The following CCDC192 variants were observed in gnomAD, a reference collection of about 807,000 sequenced individuals.
The protein encoded by CCDC192 is coiled-coil domain-containing protein 192.
chr5:127,787,222 A>G (rs1426138222), intron 3 of CCDC192, among the ~76,000 whole-genome samples: 1 of 152,184 alleles, frequency 6.6e-6, no homozygotes, highest in African/African-American at 2.4e-5. Context: ...ATGGTACCCA[A>G]AAGGCTCCCC....
chr5:127,765,408 G>C lies in CCDC192; in HGVS notation c.222+11033G>C, dbSNP rs1755162888. Reference sequence around the variant, plus strand: ...TTAATTAAAATATATTTTTGTGTTAGGATATACTGAGTTTATTTTTAAACA... The same window carrying C: ...TTAATTAAAATATATTTTTGTGTTACGATATACTGAGTTTATTTTTAAACA... On this transcript the variant is annotated intron_variant, in intron 3 of 6. Coordinates refer to ENST00000514853, the MANE Select transcript of CCDC192 (RefSeq NM_001317938.2). Among the ~76,000 whole-genome samples the C allele has an allele frequency of 2.0e-5, 3 of 152,092 alleles. 1 individual carries two copies. In the South Asian group the frequency reaches 6.2e-4, roughly 32 times the overall value.
chr5:127,890,342 C>G (rs2127155020), intron 6 of CCDC192, among the ~76,000 whole-genome samples: 1 of 151,962 alleles, frequency 6.6e-6, no homozygotes, highest in East Asian at 1.9e-4. Context: ...TTGTGACTTT[C>G]CCAGTTGCTC....
At chr5:127,861,742 G>GT (rs5871277) in intron 5 of CCDC192, among the ~76,000 whole-genome samples, 99,592 of 151,928 alleles carry the variant, frequency 0.66, 32,761 homozygotes, top group Non-Finnish European at 0.69. Context: ...AACCATATGA[G>GT]TTAATTCATG....
chr5:127,745,308 G>A (rs947366720), intron 2 of CCDC192, among the ~76,000 whole-genome samples: 1 of 152,188 alleles, frequency 6.6e-6, no homozygotes, highest in Admixed American at 6.5e-5. Context: ...TACTGGAATA[G>A]ATTAAGAAAT....
chr5:127,752,754 C>T (rs1754285155), intron 2 of CCDC192, among the ~76,000 whole-genome samples: 1 of 152,208 alleles, frequency 6.6e-6, no homozygotes, highest in South Asian at 2.1e-4. Flanking sequence ...GCTGTGCTAG[C>T]AGTCAGCGAG....
chr5:127,810,170 C>T (rs1016821619), intron 5 of CCDC192, among the ~76,000 whole-genome samples: 1 of 152,136 alleles, frequency 6.6e-6, no homozygotes, highest in African/African-American at 2.4e-5. Context: ...CAGTGCTTAC[C>T]ACAATAGAAG....
chr5:127,734,077 T>G (rs1580553244), intron 2 of CCDC192, among the ~76,000 whole-genome samples: 1 of 81,326 alleles, frequency 1.2e-5, no homozygotes, highest in Admixed American at 1.8e-4. Flanking sequence ...CCCTCCTCCC[T>G]CCCCCCACCC....
At chr5:127,832,466 T>A (rs1429909619) in intron 5 of CCDC192, among the ~76,000 whole-genome samples, 4 of 152,082 alleles carry the variant, frequency 2.6e-5, no homozygotes, top group East Asian at 1.9e-4. Flanking sequence ...AATGTGAAAA[T>A]TTTTAAAGAT....
At chr5:127,928,371 AT>A (rs1251209922) in intron 6 of CCDC192, among the ~76,000 whole-genome samples, 1 of 152,156 alleles carries the variant, frequency 6.6e-6, no homozygotes, top group Non-Finnish European at 1.5e-5. Flanking sequence ...GGCCACTTAC[AT>A]TCCTTGGCTT....
intron 6 of CCDC192, among the ~76,000 whole-genome samples, chr5:127,906,329 A>G (rs1367825564): frequency 6.6e-6 from 1 of 152,198 alleles, no homozygotes; most frequent in African/African-American, 2.4e-5. Context: ...AGGTACATCC[A>G]TGTTGTAGCA....
chr5:127,819,656 C>T (rs911004491), intron 5 of CCDC192, among the ~76,000 whole-genome samples: 8 of 152,072 alleles, frequency 5.3e-5, no homozygotes, highest in Admixed American at 2.6e-4. Context: ...TTTTAGATGT[C>T]TTTACTTCTA....
In CCDC192 at chr5:127,754,301, ACCTTGGCCCAACTTGAGT is replaced by A. The variant is rs1411755387; in HGVS notation, c.155_172del (p.Ala52_Leu57del). 3.0e-5 allele frequency: 12 copies of A among 398,554 alleles called. No individual in the cohort carries two copies. The highest frequency in any genetic ancestry group is 4.9e-5 in the Non-Finnish European group (11 of 225,998). The allele number at this position is 398,554 out of a possible 1,614,324, so 24.7% of individuals were successfully genotyped here. On this transcript the variant is annotated inframe_deletion, in exon 3 of 7. Transcript: ENST00000514853. ...CCTGGATACTGGACAGATGGCGTTT[ACCTTGGCCCAACTTGAGT>A]CCTTGGAGATTTGCCTGAAAGAAGC... is the stretch of plus-strand genomic sequence containing the variant.
intron 2 of CCDC192, among the ~76,000 whole-genome samples, chr5:127,748,000 G>T (rs1753883673): frequency 6.8e-6 from 1 of 147,818 alleles, no homozygotes; most frequent in South Asian, 2.2e-4. Flanking sequence ...GTAGATTCTG[G>T]ATATTAGCCC....
In CCDC192 at chr5:127,793,292, A is replaced by G. The variant is rs1756986886; in HGVS notation, c.223-3811A>G. Among the ~76,000 whole-genome samples, 3 of 152,336 alleles carry G rather than the reference A, an allele frequency of 2.0e-5. No individual in the cohort carries two copies. In the South Asian group the frequency reaches 6.2e-4, roughly 32 times the overall value. On this transcript the variant is annotated intron_variant, in intron 3 of 6. Coordinates refer to ENST00000514853, the MANE Select transcript of CCDC192 (RefSeq NM_001317938.2). ...CATGAGTTAAATATATCTGAGTCAA[A>G]GAGATATTCAGTAAGAAACTTGTTA...
At chr5:127,794,257 A>G (rs902408232) in intron 3 of CCDC192, among the ~76,000 whole-genome samples, 6 of 152,220 alleles carry the variant, frequency 3.9e-5, no homozygotes, top group Non-Finnish European at 7.3e-5. Context: ...ACCAGGGCCT[A>G]CTTTGGAGCT....
intron 3 of CCDC192, among the ~76,000 whole-genome samples, chr5:127,769,305 T>G (rs1344327199): frequency 6.6e-6 from 1 of 152,072 alleles, no homozygotes; most frequent in Non-Finnish European, 1.5e-5. Context: ...AAGAAGGAAG[T>G]CCGGGGAAGG....
chr5:127,782,874 C>T (rs1255133456), intron 3 of CCDC192, among the ~76,000 whole-genome samples: 1 of 151,874 alleles, frequency 6.6e-6, no homozygotes, highest in African/African-American at 2.4e-5. Context: ...TGTTCTTGTT[C>T]CACTAGTTCC....
At chr5:127,719,524 T>TATATATATATATACACACAC (rs1561444898) in intron 2 of CCDC192, among the ~76,000 whole-genome samples, 2 of 88,216 alleles carry the variant, frequency 2.3e-5, no homozygotes, top group East Asian at 3.2e-4. Context: ...TATATATATA[T>TATATATATATATACACACAC]ACACACATAC....
At chr5:127,873,764 TTA>T (rs1240523226) in intron 5 of CCDC192, among the ~76,000 whole-genome samples, 1 of 152,180 alleles carries the variant, frequency 6.6e-6, no homozygotes, top group Non-Finnish European at 1.5e-5. Context: ...AGGTCAATGG[TTA>T]CCATCCAGGA....
Sources: gnomAD v4.1 joint callset for allele counts (sites outside exome capture counted in the v4.1 genomes callset) on GRCh38, gnomAD v4.1.1 for gene constraint, MANE v1.5 for transcripts, NCBI Gene and HGNC (gene_info 2026-07-23, HGNC 2026-07-21) for gene names.